GNAQ: variants seen among roughly 807,000 people sequenced by gnomAD.
GNAQ encodes the protein guanine nucleotide-binding protein G(q) subunit alpha.
Under a neutral mutation model 43.9 loss-of-function variants are expected in GNAQ, and 8 were observed. The observed-to-expected ratio is 0.18, with a 90% CI of 0.11 to 0.33. The LOEUF is 0.33. Among genes scored for constraint, GNAQ ranks in the 10% least tolerant of loss-of-function variants. GNAQ has a pLI of 1.00. For missense variants in GNAQ, 158 were observed against 450.8 expected, an observed-to-expected ratio of 0.35 and a Z score of 5.88; for synonymous variants, 155 against 170.7, an observed-to-expected ratio of 0.91 and a Z score of 0.71.
At chr9:77,780,463 G>T (rs1826376893) in intron 5 of GNAQ, among the ~76,000 whole-genome samples, 1 of 149,974 alleles carries the variant, frequency 6.7e-6, no homozygotes. Context: ...TTTTATGGCT[G>T]GACGGTACTC....
At chr9:77,956,263 C>T (rs770717467) in intron 1 of GNAQ, among the ~76,000 whole-genome samples, 5 of 151,970 alleles carry the variant, frequency 3.3e-5, no homozygotes, top group Non-Finnish European at 7.4e-5. Flanking sequence ...AAATTGAAGC[C>T]GAAATGTATA....
intron 1 of GNAQ, among the ~76,000 whole-genome samples, chr9:78,001,252 A>T (rs936404763): frequency 2.0e-5 from 3 of 151,994 alleles, no homozygotes; most frequent in Non-Finnish European, 4.4e-5. Context: ...ACAAAAAAAA[A>T]TTGCCAGGCT....
intron 1 of GNAQ, among the ~76,000 whole-genome samples, chr9:78,025,444 A>G (rs1399186742): frequency 6.6e-6 from 1 of 152,182 alleles, no homozygotes; most frequent in Non-Finnish European, 1.5e-5. Flanking sequence ...ATTACCAACA[A>G]TCGCACATTT....
intron 2 of GNAQ, among the ~76,000 whole-genome samples, chr9:77,881,148 T>C (rs188296536): frequency 3.4e-4 from 52 of 152,268 alleles, no homozygotes; most frequent in Admixed American, 8.5e-4. Flanking sequence ...TCCCATAATA[T>C]AGACCTTTTT....
At chr9:77,801,019 C>T (rs1229231092) in intron 3 of GNAQ, among the ~76,000 whole-genome samples, 4 of 152,164 alleles carry the variant, frequency 2.6e-5, no homozygotes, top group Non-Finnish European at 5.9e-5. Flanking sequence ...GCTGTTAATT[C>T]TTGTAATGGA....
intron 2 of GNAQ, among the ~76,000 whole-genome samples, chr9:77,876,445 G>C (rs768726560): frequency 6.6e-6 from 1 of 152,202 alleles, no homozygotes; most frequent in South Asian, 2.1e-4. Context: ...TAGTTGTAGA[G>C]AGCAAATGAA....
At chr9:77,784,084 C>T (rs866335892) in intron 5 of GNAQ, among the ~76,000 whole-genome samples, 6 of 151,712 alleles carry the variant, frequency 4.0e-5, no homozygotes, top group Admixed American at 1.3e-4. Context: ...AACAAATGCA[C>T]ATTTTGTTTT....
At chr9:77,963,666 T>G (rs1052342223) in intron 1 of GNAQ, among the ~76,000 whole-genome samples, 12 of 152,184 alleles carry the variant, frequency 7.9e-5, no homozygotes, top group African/African-American at 2.7e-4. Context: ...GCTCACTGAC[T>G]TTCTGAAGGG....
chr9:77,929,744 C>G (rs1829122195), intron 1 of GNAQ, among the ~76,000 whole-genome samples: 1 of 152,080 alleles, frequency 6.6e-6, no homozygotes, highest in Non-Finnish European at 1.5e-5. Context: ...ATGGAAGAAT[C>G]AATTGAACCC....
At chr9:77,886,150 A>G (rs867829486) in intron 2 of GNAQ, among the ~76,000 whole-genome samples, 1 of 152,070 alleles carries the variant, frequency 6.6e-6, no homozygotes, top group African/African-American at 2.4e-5. Context: ...TATTTTTAGT[A>G]GAGATGGGGT....
At chr9:77,813,026 T>C (rs1826952213) in intron 3 of GNAQ, among the ~76,000 whole-genome samples, 1 of 151,906 alleles carries the variant, frequency 6.6e-6, no homozygotes, top group Non-Finnish European at 1.5e-5. Flanking sequence ...AATTCTCCTG[T>C]TTCAGCCTCC....
chr9:77,784,698 AGTT>A (rs1826449709), intron 5 of GNAQ, among the ~76,000 whole-genome samples: 3 of 152,202 alleles, frequency 2.0e-5, no homozygotes, highest in Admixed American at 2.0e-4. Context: ...AAGCAGCAGA[AGTT>A]ATTTGAAAAC....
chr9:77,771,940 G>A (rs1261333902), intron 5 of GNAQ, among the ~76,000 whole-genome samples: 3 of 152,062 alleles, frequency 2.0e-5, no homozygotes, highest in African/African-American at 2.4e-5. Context: ...GAAGGCTGAG[G>A]AGCCAGCTAA....
intron 1 of GNAQ, among the ~76,000 whole-genome samples, chr9:77,952,323 T>C (rs1213181128): frequency 6.6e-6 from 1 of 152,180 alleles, no homozygotes; most frequent in Non-Finnish European, 1.5e-5. Context: ...TTTTTAATTT[T>C]ACCTTCAAAA....
chr9:78,016,482 G>T (rs1340976544), intron 1 of GNAQ, among the ~76,000 whole-genome samples: 1 of 152,048 alleles, frequency 6.6e-6, no homozygotes. Flanking sequence ...CCAGGAGATC[G>T]AGACCATCCT....
chr9:77,926,064 T>C (rs1194005996), intron 1 of GNAQ, among the ~76,000 whole-genome samples: 1 of 152,208 alleles, frequency 6.6e-6, no homozygotes, highest in Non-Finnish European at 1.5e-5. Context: ...GTTGAATCCA[T>C]GGATATGGAA....
intron 1 of GNAQ, among the ~76,000 whole-genome samples, chr9:78,029,382 GTTCT>G (rs1157543585): frequency 6.6e-6 from 1 of 151,242 alleles, no homozygotes; most frequent in Non-Finnish European, 1.5e-5. Context: ...TATTTCTTTT[GTTCT>G]TTATTTTCTT....
chr9:77,848,335 G>T (rs1370713275), intron 2 of GNAQ, among the ~76,000 whole-genome samples: 1 of 152,176 alleles, frequency 6.6e-6, no homozygotes. Flanking sequence ...CTTGAATAGG[G>T]CAATTTCCAC....
rs976346521 is a variant in GNAQ, at chr9:77,718,040, C to T, written c.*3283G>A. On this transcript the variant is annotated 3_prime_UTR_variant, in exon 7 of 7. Coordinates refer to ENST00000286548, the MANE Select transcript of GNAQ (RefSeq NM_002072.5). ...TCTGGGGGTTAGAACTGCCATGTCA[C>T]GCAAAAAGGGAAAAATCATCTGTAA... 7.3e-5 allele frequency: 17 copies of T among 232,320 alleles called. No individual in the cohort carries two copies. Among genetic ancestry groups the T allele is most frequent in the Admixed American group, 2.3e-4 (4 of 17,698 alleles). 14.4% of individuals were successfully genotyped at this position (232,320 alleles called of 1,614,324 possible).
Sources: gnomAD v4.1 joint callset for allele counts (sites outside exome capture counted in the v4.1 genomes callset) on GRCh38, gnomAD v4.1.1 for gene constraint, MANE v1.5 for transcripts, NCBI Gene and HGNC (gene_info 2026-07-23, HGNC 2026-07-21) for gene names.